Variants in BANP observed in about 807,000 individuals in gnomAD.
BANP encodes BTG3 associated nuclear protein, also known as protein BANP.
In BANP, 11 loss-of-function variants were observed where a neutral mutation model predicts 68.1. The observed-to-expected ratio is 0.16, with a 90% CI of 0.10 to 0.27. The LOEUF (loss-of-function observed/expected upper bound fraction) is 0.27, where lower values mean the gene tolerates loss of function less well. Ranked by LOEUF, BANP falls within the 10% of genes least tolerant of loss-of-function variation. The pLI is 1.00. For synonymous variants in BANP, 329 were observed against 303.2 expected, an observed-to-expected ratio of 1.09 and a Z score of -0.88; for missense variants, 504 against 722.7, an observed-to-expected ratio of 0.70 and a Z score of 3.47.
chr16:88,063,089 A>C (rs1010186836), intron 11 of BANP, among the ~76,000 whole-genome samples: 8 of 152,256 alleles, frequency 5.3e-5, no homozygotes, highest in African/African-American at 1.9e-4. Context: ...TGCGCCGTGC[A>C]TGGAGGTGCC....
At chr16:87,949,876 T>TC, upstream of BANP, 1 of 129,048 alleles carries the variant, frequency 7.7e-6, no homozygotes, top group Non-Finnish European at 1.5e-5. Context: ...TCTTTCTTTC[T>TC]TTTTTTTTTT....
At chr16:88,037,936 T>C (rs1197680659) in intron 10 of BANP, 37 bp from the exon 11 acceptor site, 4 of 1,605,224 alleles carry the variant, frequency 2.5e-6, no homozygotes, top group Admixed American at 3.3e-5. Context: ...TTGGTGTGTT[T>C]CTACTCATGA....
Position 87,975,170 on chromosome 16 carries a change from A to T in BANP, c.55A>T (p.Ser19Cys). ...DVVQIAVEDL[S>C]PDHPVVLENH... is the part of the protein sequence containing the mutation. ...GGTTCAGATTGCAGTGGAAGACCTG[A>T]GCCCTGACCACCCAGGTACAGAGCT... The change falls in exon 2 of 14, where the codon AGC becomes TGC. Residue 19 changes from serine (S) to cysteine (C), a missense_variant. Ser to Cys is a moderately radical substitution (Grantham distance 112). Coordinates refer to ENST00000682872, the MANE Select transcript of BANP (RefSeq NM_001386991.1). 1 of 1,614,178 alleles carries T rather than the reference A, an allele frequency of 6.2e-7. No individual in the cohort carries two copies. The highest frequency in any genetic ancestry group is 8.5e-7 in the Non-Finnish European group (1 of 1,179,996).
chr16:88,075,231 A>G (rs1327317911), intron 13 of BANP, among the ~76,000 whole-genome samples: 1 of 152,226 alleles, frequency 6.6e-6, no homozygotes, highest in Admixed American at 6.5e-5. Flanking sequence ...CTGTAATCCC[A>G]GCTGCTCGGG....
intron 4 of BANP, among the ~76,000 whole-genome samples, chr16:87,991,941 C>G (rs1309687624): frequency 6.6e-6 from 1 of 152,132 alleles, no homozygotes; most frequent in Admixed American, 6.5e-5. Flanking sequence ...TATTCCTGAT[C>G]TTTGAGTGAA....
intron 6 of BANP, among the ~76,000 whole-genome samples, chr16:88,014,241 G>A (rs1415045718): frequency 2.0e-5 from 3 of 152,208 alleles, no homozygotes; most frequent in Non-Finnish European, 4.4e-5. Flanking sequence ...CTCCGTGTGG[G>A]GTGGAGGGCA....
intron 7 of BANP, among the ~76,000 whole-genome samples, chr16:88,021,215 C>G (rs150889255): frequency 6.6e-6 from 1 of 152,206 alleles, no homozygotes; most frequent in African/African-American, 2.4e-5. Flanking sequence ...GCTGCTGAAC[C>G]TCATGGCTTG....
chr16:88,020,766 C>G (rs937378942), intron 7 of BANP, among the ~76,000 whole-genome samples: 4 of 152,216 alleles, frequency 2.6e-5, no homozygotes, highest in African/African-American at 9.6e-5. Flanking sequence ...AAGCTGGAGG[C>G]CGGCTGGCTC....
chr16:88,068,296 T>C (rs1376770125), intron 12 of BANP, among the ~76,000 whole-genome samples: 1 of 152,196 alleles, frequency 6.6e-6, no homozygotes, highest in Admixed American at 6.5e-5. Context: ...GCGTGAACCT[T>C]GGGCGTGCGC....
chr16:88,038,196 G>T (rs1260254457), intron 11 of BANP, among the ~76,000 whole-genome samples, 185 bp downstream of exon 11: 1 of 152,116 alleles, frequency 6.6e-6, no homozygotes, highest in East Asian at 1.9e-4. Context: ...CGCTGCCGAG[G>T]GGTGGGGCTC....
At chr16:87,951,625 GC>G (rs980581382) in intron 1 of BANP, 110 bp downstream of exon 1, 3 of 149,442 alleles carry the variant, frequency 2.0e-5, no homozygotes, top group Admixed American at 1.3e-4. Flanking sequence ...CGGGCCGCCC[GC>G]GCCGCAGCCC....
At chr16:87,990,444 G>C (rs1436154263) in intron 4 of BANP, among the ~76,000 whole-genome samples, 1 of 152,164 alleles carries the variant, frequency 6.6e-6, no homozygotes, top group East Asian at 1.9e-4. Context: ...GTGTTATGTA[G>C]AGCTAGGCCT....
chr16:87,997,319 G>T (rs910309346), intron 4 of BANP, among the ~76,000 whole-genome samples: 1 of 152,224 alleles, frequency 6.6e-6, no homozygotes, highest in Admixed American at 6.5e-5. Flanking sequence ...ACACTGAAAG[G>T]GTGAGTTGTA....
chr16:87,995,169 C>T (rs1030582392), intron 4 of BANP, among the ~76,000 whole-genome samples: 7 of 152,200 alleles, frequency 4.6e-5, no homozygotes, highest in Non-Finnish European at 1.0e-4. Flanking sequence ...GCCGTGTGTG[C>T]GCACAATGGG....
rs1225762043 is a variant in BANP, at chr16:87,957,153, G to A, written c.-69+5638G>A. ...ATTCTGGATCGTCAGCGTTCACGGT[G>A]GAGCAGACTCCACGACTCGCTGCTC... is the stretch of plus-strand genomic sequence containing the variant. On this transcript the variant is annotated intron_variant, in intron 1 of 13. Transcript: ENST00000682872. This position sits in a 1 kb window ranked among gnomAD's most constrained non-coding sequence, Gnocchi z 4.3. The A allele has an allele frequency of 6.6e-6, 1 of 152,246 alleles. No homozygotes were observed. Among genetic ancestry groups the A allele is most frequent in the East Asian group, 1.9e-4 (1 of 5,200 alleles). 9.4% of individuals were successfully genotyped at this position (152,246 alleles called of 1,614,324 possible).
intron 10 of BANP, chr16:88,037,700 A>G (rs2079701369): frequency 2.1e-6 from 1 of 483,220 alleles, no homozygotes; most frequent in South Asian, 2.5e-5. Context: ...TAAAAAATGA[A>G]GTAAAAATGA....
intron 13 of BANP, among the ~76,000 whole-genome samples, chr16:88,072,822 C>T (rs1463743548): frequency 6.6e-6 from 1 of 152,228 alleles, no homozygotes; most frequent in Non-Finnish European, 1.5e-5. Flanking sequence ...GGTGGCCCTG[C>T]ATCCGGGAGC....
chr16:87,970,247 G>C (rs2060873035), intron 1 of BANP: 1 of 152,186 alleles, frequency 6.6e-6, no homozygotes, highest in Admixed American at 6.5e-5. Context: ...TCTGGCCTCT[G>C]TATATCCTGT....
chr16:88,073,853 G>A (rs563580665), intron 13 of BANP, among the ~76,000 whole-genome samples: 68 of 152,260 alleles, frequency 4.5e-4, no homozygotes, highest in Non-Finnish European at 8.5e-4. Context: ...TACACCCCTA[G>A]CTTCCTGTAA....
Sources: gnomAD v4.1 joint callset for allele counts (sites outside exome capture counted in the v4.1 genomes callset) on GRCh38, gnomAD v4.1.1 for gene constraint, Gnocchi (gnomAD v3.1) non-coding constraint, MANE v1.5 for transcripts, NCBI Gene and HGNC (gene_info 2026-07-23, HGNC 2026-07-21) for gene names.